Variants in MACROD2 observed in about 807,000 individuals in gnomAD.
MACROD2 encodes the protein ADP-ribose glycohydrolase MACROD2.
In MACROD2, 36 loss-of-function variants were observed where a neutral mutation model predicts 70.4. That is an observed-to-expected ratio of 0.51 (90% CI 0.39 to 0.68). MACROD2 has a LOEUF of 0.68. MACROD2 is among the 30% of genes least tolerant of loss of function. MACROD2 has a pLI of 0.00. For missense variants in MACROD2, 496 were observed against 538.4 expected (o/e 0.92, Z 0.78); for synonymous variants, 172 against 178.8 (o/e 0.96, Z 0.30).
At chr20:14,368,489 G>C (rs1488956028) in intron 3 of MACROD2, among the ~76,000 whole-genome samples, 2 of 151,620 alleles carry the variant, frequency 1.3e-5, no homozygotes, top group Non-Finnish European at 1.5e-5. Flanking sequence ...CTTGCAATGA[G>C]CCGAGATCGC....
intron 6 of MACROD2, among the ~76,000 whole-genome samples, chr20:15,255,285 T>C (rs1360142274): frequency 3.3e-5 from 5 of 152,132 alleles, no homozygotes; most frequent in East Asian, 1.9e-4. Flanking sequence ...TAGTCTGTTA[T>C]GCATTTTTAA....
intron 3 of MACROD2, among the ~76,000 whole-genome samples, chr20:14,264,025 AC>A (rs1430284718): frequency 9.0e-5 from 13 of 144,870 alleles, no homozygotes; most frequent in African/African-American, 3.4e-4. Context: ...ACACACACAC[AC>A]AACACAAGTG....
chr20:14,386,727 C>T (rs1235124384), intron 3 of MACROD2, among the ~76,000 whole-genome samples: 1 of 152,164 alleles, frequency 6.6e-6, no homozygotes, highest in Non-Finnish European at 1.5e-5. Context: ...CATCATGCTT[C>T]CTGAACAGCC....
chr20:14,883,404 T>G (rs2073633249), intron 5 of MACROD2, among the ~76,000 whole-genome samples: 1 of 152,172 alleles, frequency 6.6e-6, no homozygotes, highest in South Asian at 2.1e-4. Flanking sequence ...TTATAGAGCC[T>G]TTAGCTGAAG....
chr20:15,864,870 T>C (rs6135574), intron 9 of MACROD2, among the ~76,000 whole-genome samples: 8,771 of 152,244 alleles, frequency 0.058, 478 homozygotes, highest in East Asian at 0.24. Context: ...AAATTGTGAT[T>C]TCTGCAATGT....
chr20:14,883,440 T>C (rs763988727), intron 5 of MACROD2, among the ~76,000 whole-genome samples: 3 of 152,152 alleles, frequency 2.0e-5, no homozygotes, highest in Non-Finnish European at 4.4e-5. Context: ...TCTGGCTCTG[T>C]GGTAAGCATG....
At chr20:15,620,521 G>T (rs930757587) in intron 8 of MACROD2, among the ~76,000 whole-genome samples, 4 of 152,174 alleles carry the variant, frequency 2.6e-5, no homozygotes, top group African/African-American at 7.2e-5. Context: ...GACAAACTGA[G>T]ATAACAATAT....
In MACROD2 at chr20:14,228,143, A is replaced by G. The variant is rs1003624534; in HGVS notation, c.271+142415A>G. Among the ~76,000 whole-genome samples the G allele has an allele frequency of 1.4e-5, 2 of 144,396 alleles. 1 individual carries two copies. Among genetic ancestry groups the G allele is most frequent in the South Asian group, 4.5e-4 (2 of 4,400 alleles). 94.7% of individuals were successfully genotyped at this position (144,396 alleles called of 152,430 possible). ...ATTCTGCAATTTACTCTTAAAAACT[A>G]TATATATAGTTTTTTCTATGTATAT... On this transcript the variant is annotated intron_variant, in intron 3 of 17. Coordinates refer to ENST00000684519, the MANE Select transcript of MACROD2 (RefSeq NM_001351661.2).
At chr20:16,020,086 C>A (rs1183652920) in intron 15 of MACROD2, among the ~76,000 whole-genome samples, 1 of 152,194 alleles carries the variant, frequency 6.6e-6, no homozygotes, top group African/African-American at 2.4e-5. Flanking sequence ...TCTGTGATGA[C>A]CCTGGCTGAC....
intron 4 of MACROD2, among the ~76,000 whole-genome samples, chr20:14,618,506 A>C (rs1983613256): frequency 1.3e-5 from 2 of 152,124 alleles, no homozygotes; most frequent in Non-Finnish European, 2.9e-5. Flanking sequence ...AATGATACCT[A>C]GTATATTGTT....
At chr20:15,023,468 C>T (rs964942624) in intron 5 of MACROD2, among the ~76,000 whole-genome samples, 5 of 152,124 alleles carry the variant, frequency 3.3e-5, no homozygotes, top group African/African-American at 1.2e-4. Context: ...AGGCTGGCAT[C>T]ACCCCCTGTT....
intron 8 of MACROD2, among the ~76,000 whole-genome samples, chr20:15,803,913 T>TA: frequency 6.6e-6 from 1 of 152,252 alleles, no homozygotes; most frequent in African/African-American, 2.4e-5. Context: ...TATTCTAAAA[T>TA]GCTTCCCAAT....
In MACROD2 at chr20:15,111,360, A is replaced by G. The variant is rs571725537; in HGVS notation, c.419-118580A>G. ...GCTAATTGTTGTAGTTTTAGTAGAG[A>G]TGGGTTTCACCATGTTGGCCAGGCT... On this transcript the variant is annotated intron_variant, in intron 5 of 17. Transcript: ENST00000684519. Among the ~76,000 whole-genome samples the G allele has an allele frequency of 2.0e-5, 3 of 151,844 alleles. No homozygotes were observed. The South Asian group carries it at 6.2e-4, about 32-fold the overall frequency.
intron 4 of MACROD2, among the ~76,000 whole-genome samples, chr20:14,593,968 C>G (rs577456745): frequency 6.6e-6 from 1 of 152,228 alleles, no homozygotes; most frequent in Non-Finnish European, 1.5e-5. Context: ...ATTTACATTT[C>G]TTAGCTCTAG....
At chr20:14,588,916 C>T (rs1298751437) in intron 4 of MACROD2, among the ~76,000 whole-genome samples, 1 of 152,116 alleles carries the variant, frequency 6.6e-6, no homozygotes, top group African/African-American at 2.4e-5. Context: ...AGTTGCTTTA[C>T]AAACCAATAA....
intron 3 of MACROD2, among the ~76,000 whole-genome samples, chr20:14,371,803 A>G (rs1164938922): frequency 3.3e-5 from 5 of 151,938 alleles, no homozygotes; most frequent in African/African-American, 1.2e-4. Context: ...TCTCTCTTCC[A>G]TGATTGCTCT....
chr20:15,574,397 T>C (rs1302754722), intron 8 of MACROD2, among the ~76,000 whole-genome samples: 2 of 152,112 alleles, frequency 1.3e-5, no homozygotes, highest in African/African-American at 4.8e-5. Context: ...TCTTATAAGA[T>C]AGGGTTATAT....
chr20:14,820,357 CT>C (rs11475238), intron 5 of MACROD2, among the ~76,000 whole-genome samples: 46,698 of 116,074 alleles, frequency 0.4, 8,101 homozygotes, highest in Middle Eastern at 0.47. Context: ...ATTTTTCTTC[CT>C]TTTTTTTTTT....
chr20:14,666,314 G>T (rs1206339644), intron 4 of MACROD2, among the ~76,000 whole-genome samples: 1 of 152,064 alleles, frequency 6.6e-6, no homozygotes, highest in African/African-American at 2.4e-5. Context: ...AAATACTCTT[G>T]TATACAAATA....
Sources: gnomAD v4.1 joint callset for allele counts (sites outside exome capture counted in the v4.1 genomes callset) on GRCh38, gnomAD v4.1.1 for gene constraint, MANE v1.5 for transcripts, NCBI Gene and HGNC (gene_info 2026-07-23, HGNC 2026-07-21) for gene names.